Variants in ACACB observed in about 807,000 individuals in gnomAD.
The protein encoded by ACACB is acetyl-CoA carboxylase 2.
Under a neutral mutation model 278.8 loss-of-function variants are expected in ACACB, and 209 were observed. That is an observed-to-expected ratio of 0.75 (90% CI 0.67 to 0.84). The LOEUF is 0.84. ACACB is among the 40% of genes least tolerant of loss of function. The probability of loss-of-function intolerance (pLI) is 0.00; values close to 1 mark genes in which losing one functional copy is unlikely to be tolerated. For synonymous variants in ACACB, 1,174 were observed against 1,285.6 expected, an observed-to-expected ratio of 0.91 and a Z score of 1.86; for missense variants, 2,850 against 3,269.0, an observed-to-expected ratio of 0.87 and a Z score of 3.13.
intron 31 of ACACB, 109 bp downstream of exon 31, chr12:109,234,154 C>A: frequency 1.1e-6 from 1 of 900,854 alleles, no homozygotes; most frequent in Non-Finnish European, 1.8e-6. Flanking sequence ...ACTTCAGAGC[C>A]ACAGACCTGG....
chr12:109,176,303 G>A, intron 9 of ACACB, 40 bp downstream of exon 9: 1 of 1,553,842 alleles, frequency 6.4e-7, no homozygotes, highest in Non-Finnish European at 8.9e-7. Context: ...TCTGTCTTTG[G>A]GAATTGTTTG....
rs569370921 is a variant in ACACB at position 109,130,301 on chromosome 12, G to A, written c.-9-9096G>A. On this transcript the variant is annotated intron_variant, in intron 1 of 52. Coordinates refer to ENST00000338432, the MANE Select transcript of ACACB (RefSeq NM_001093.4). ...ATCCTTATCCCCATTTTGCAGATGA[G>A]GAGACTGATGATCAGGGAGGGCATT... is the stretch of plus-strand genomic sequence containing the variant. 1.1e-4 allele frequency among the ~76,000 whole-genome samples: 16 copies of A among 152,316 alleles called. No homozygotes were observed. In the East Asian group the frequency reaches 3.1e-3, roughly 29 times the overall value.
chr12:109,191,944 T>A lies in ACACB; in HGVS notation c.2393T>A (p.Leu798Gln), dbSNP rs1489474249. Residue 798 changes from leucine to glutamine, a missense_variant, in exon 15 of 53, where the codon CTG becomes CAG. By Grantham distance (113) the Leu-to-Gln change is moderately radical. Transcript: ENST00000338432. ...RTCMTDFLHS[L>Q]ERGQVLPADS... ...TGCATGACAGATTTCTTACACTCCC[T>A]GGAAAGGTAGGGGCTGTGGCAGTTC... The A allele has an allele frequency of 6.2e-7, 1 of 1,614,060 alleles. No homozygotes were observed. Among genetic ancestry groups the A allele is most frequent in the Non-Finnish European group, 8.5e-7 (1 of 1,180,026 alleles).
intron 2 of ACACB, among the ~76,000 whole-genome samples, chr12:109,162,232 G>A (rs750487688): frequency 7.9e-5 from 12 of 152,072 alleles, no homozygotes; most frequent in Admixed American, 1.3e-4. Context: ...GCCCATCTTC[G>A]CCTCCCAAAG....
intron 33 of ACACB, among the ~76,000 whole-genome samples, chr12:109,236,800 A>G (rs2046643417): frequency 6.6e-6 from 1 of 151,512 alleles, no homozygotes. Flanking sequence ...TCGGGGACCA[A>G]TTTCCACCAA....
chr12:109,118,399 C>T (rs1403464338), intron 1 of ACACB, among the ~76,000 whole-genome samples: 1 of 149,380 alleles, frequency 6.7e-6, no homozygotes, highest in Admixed American at 6.7e-5. Context: ...CCAGTAGAAA[C>T]TTTGACCTTG....
intron 16 of ACACB, among the ~76,000 whole-genome samples, chr12:109,195,597 C>T (rs1565909211): frequency 1.3e-5 from 2 of 152,198 alleles, no homozygotes; most frequent in Non-Finnish European, 2.9e-5. Context: ...TCCTGGTAAA[C>T]ATTTTAGCAA....
rs143887345 is a variant in ACACB, at chr12:109,233,281, A to G, written c.4140-467A>G. The stretch of plus-strand genomic sequence containing the variant: ...TATAGTGACTAAATGTTAGCTCTCA[A>G]TAGTTACTGTTATAGTCTTTTTTCA... On this transcript the variant is annotated intron_variant, in intron 29 of 52. Transcript: ENST00000338432. 4.7e-3 allele frequency among the ~76,000 whole-genome samples: 711 copies of G among 152,346 alleles called. 6 individuals are homozygous for G. The highest frequency in any genetic ancestry group is 0.016 in the African/African-American group (682 of 41,578).
chr12:109,206,650 C>G, intron 19 of ACACB, 60 bp from the exon 20 acceptor site: 1 of 1,601,414 alleles, frequency 6.2e-7, no homozygotes, highest in Non-Finnish European at 8.5e-7. Flanking sequence ...CCGTTCTGCC[C>G]GGTCCCATTT....
chr12:109,264,402 G>C lies in ACACB; in HGVS notation c.6942+16G>C. 1 of 1,613,940 alleles carries C rather than the reference G, an allele frequency of 6.2e-7. No homozygotes were observed. The highest frequency in any genetic ancestry group is 8.5e-7 in the Non-Finnish European group (1 of 1,179,918). On this transcript the variant is annotated intron_variant, in intron 50 of 52. Transcript: ENST00000338432. Reference sequence around the variant, plus strand: ...CGTCATATCTGTGAGAGCCACAGCTGCCGTGTAGGGTGCAAAGAGCCCACC... The same window carrying C: ...CGTCATATCTGTGAGAGCCACAGCTCCCGTGTAGGGTGCAAAGAGCCCACC...
At chr12:109,208,046 CTTA>C (rs1436723295) in intron 20 of ACACB, among the ~76,000 whole-genome samples, 8 of 152,252 alleles carry the variant, frequency 5.3e-5, no homozygotes, top group Middle Eastern at 3.4e-3. Flanking sequence ...GGTAGGAACT[CTTA>C]TTTCCACTTA....
At chr12:109,140,342 CCT>C in intron 2 of ACACB, among the ~76,000 whole-genome samples, 1 of 91,550 alleles carries the variant, frequency 1.1e-5, no homozygotes, top group Non-Finnish European at 2.3e-5. Flanking sequence ...TTCCTTCCTT[CCT>C]TCCTTCCCTC....
chr12:109,265,994 G>T (rs2047508041), intron 52 of ACACB, among the ~76,000 whole-genome samples: 1 of 152,258 alleles, frequency 6.6e-6, no homozygotes, highest in Non-Finnish European at 1.5e-5. Context: ...ACTCAAGGCA[G>T]TGTCTTGTCT....
intron 15 of ACACB, 28 bp downstream of exon 15, chr12:109,191,978 T>G (rs767011494): frequency 6.2e-7 from 1 of 1,609,506 alleles, no homozygotes; most frequent in Non-Finnish European, 8.5e-7. Flanking sequence ...TCCCTTCTGC[T>G]TTTGTGATAT....
intron 1 of ACACB, among the ~76,000 whole-genome samples, chr12:109,138,571 A>T (rs1410348903): frequency 1.3e-4 from 2 of 16,000 alleles, no homozygotes; most frequent in Admixed American, 4.1e-4. Context: ...AAGAGTCTTT[A>T]AAAAAAAAAA....
chr12:109,259,242 A>G, intron 47 of ACACB, 134 bp downstream of exon 47: 1 of 1,162,482 alleles, frequency 8.6e-7, no homozygotes, highest in South Asian at 1.5e-5. Flanking sequence ...AACCCTGAGG[A>G]GAAAATATTG....
chr12:109,215,489 C>T (rs563354942), intron 22 of ACACB, among the ~76,000 whole-genome samples: 1 of 152,006 alleles, frequency 6.6e-6, no homozygotes, highest in South Asian at 2.1e-4. Context: ...TTTGGCTGGG[C>T]GCGGTGGCTC....
chr12:109,215,405 C>T (rs2045965271), intron 22 of ACACB, among the ~76,000 whole-genome samples: 1 of 152,016 alleles, frequency 6.6e-6, no homozygotes, highest in Non-Finnish European at 1.5e-5. Context: ...TCTTTTTGGC[C>T]TGCAGATGAA....
intron 27 of ACACB, among the ~76,000 whole-genome samples, chr12:109,224,285 T>C (rs891548328): frequency 1.3e-5 from 2 of 151,876 alleles, no homozygotes; most frequent in African/African-American, 4.8e-5. Context: ...CTCACGTGCA[T>C]TAAATACCTT....
Sources: allele counts gnomAD v4.1 joint callset (sites outside exome capture counted in the v4.1 genomes callset), GRCh38; gene constraint gnomAD v4.1.1; transcripts MANE v1.5; gene names NCBI Gene and HGNC (gene_info 2026-07-23, HGNC 2026-07-21).